The following DTD1 variants were observed in gnomAD, a reference collection of about 807,000 sequenced individuals.
DTD1 encodes D-tyrosyl-tRNA deacylase 1 homolog.
In DTD1, 13 loss-of-function variants were observed where a neutral mutation model predicts 25.6. The observed-to-expected ratio is 0.51, with a 90% confidence interval of 0.33 to 0.81. The LOEUF (loss-of-function observed/expected upper bound fraction) is 0.81, where lower values mean the gene tolerates loss of function less well. Ranked by LOEUF, DTD1 falls within the 30% of genes least tolerant of loss-of-function variation. The pLI, the probability that DTD1 is intolerant of heterozygous loss-of-function variation, is 0.02. For synonymous variants in DTD1, 110 were observed against 103.6 expected (o/e 1.06, Z -0.37); for missense variants, 193 against 266.4 (o/e 0.72, Z 1.92).
At chr20:18,722,234 T>C (rs1487562474) in intron 4 of DTD1, among the ~76,000 whole-genome samples, 1 of 152,200 alleles carries the variant, frequency 6.6e-6, no homozygotes, top group African/African-American at 2.4e-5. Flanking sequence ...CGCACTGTAG[T>C]CTGTGGGCAT....
At chr20:18,763,001 A>G (rs1192386603) in intron 5 of DTD1, among the ~76,000 whole-genome samples, 1 of 152,218 alleles carries the variant, frequency 6.6e-6, no homozygotes, top group Non-Finnish European at 1.5e-5. Context: ...CCTTAGGTGA[A>G]TATAACAAAT....
chr20:18,628,616 G>A (rs1190363968), intron 4 of DTD1, among the ~76,000 whole-genome samples: 1 of 152,188 alleles, frequency 6.6e-6, no homozygotes, highest in Non-Finnish European at 1.5e-5. Context: ...GGTCCCAGGT[G>A]TGGATAGATG....
At chr20:18,739,835 T>G (rs1422297348) in intron 4 of DTD1, among the ~76,000 whole-genome samples, 1 of 152,236 alleles carries the variant, frequency 6.6e-6, no homozygotes, top group Non-Finnish European at 1.5e-5. Context: ...AGAAAAGGCT[T>G]AAATTTATTA....
intron 4 of DTD1, among the ~76,000 whole-genome samples, chr20:18,659,429 G>A (rs998115252): frequency 2.6e-5 from 4 of 152,114 alleles, no homozygotes; most frequent in African/African-American, 7.2e-5. Flanking sequence ...TTATATTCAT[G>A]ATGTTTAATT....
chr20:18,736,224 T>C (rs1469354739), intron 4 of DTD1, among the ~76,000 whole-genome samples: 1 of 152,164 alleles, frequency 6.6e-6, no homozygotes, highest in African/African-American at 2.4e-5. Context: ...GCAGACATCG[T>C]GTTCCTGTGG....
chr20:18,722,292 C>T (rs1455802207), intron 4 of DTD1, among the ~76,000 whole-genome samples: 1 of 152,236 alleles, frequency 6.6e-6, no homozygotes, highest in Non-Finnish European at 1.5e-5. Context: ...ACCAGGCACT[C>T]AGCATTGTGC....
chr20:18,660,057 G>A (rs759631375), intron 4 of DTD1, among the ~76,000 whole-genome samples: 15 of 152,090 alleles, frequency 9.9e-5, no homozygotes, highest in Non-Finnish European at 2.2e-4. Context: ...GGCCAACATG[G>A]TGAGACCCTA....
At chr20:18,742,071 T>C (rs1264143197) in intron 4 of DTD1, among the ~76,000 whole-genome samples, 1 of 151,972 alleles carries the variant, frequency 6.6e-6, no homozygotes, top group Non-Finnish European at 1.5e-5. Flanking sequence ...GTAGATCTAC[T>C]GTACAATATT....
chr20:18,601,583 C>T (rs937695445), intron 3 of DTD1, among the ~76,000 whole-genome samples: 37 of 151,698 alleles, frequency 2.4e-4, no homozygotes, highest in East Asian at 5.8e-4. Flanking sequence ...ATCTGAGAAC[C>T]GGCAGACTGC....
intron 4 of DTD1, among the ~76,000 whole-genome samples, chr20:18,734,352 A>G (rs1195118712): frequency 1.3e-5 from 2 of 152,234 alleles, no homozygotes; most frequent in East Asian, 3.8e-4. Flanking sequence ...ATGAATCTCT[A>G]TACGAAGTTG....
intron 3 of DTD1, among the ~76,000 whole-genome samples, chr20:18,609,197 G>A (rs1464967107): frequency 1.3e-5 from 2 of 151,752 alleles, no homozygotes; most frequent in Admixed American, 6.6e-5. Flanking sequence ...CTGGAGTGCA[G>A]TGGTACGAGA....
intron 4 of DTD1, among the ~76,000 whole-genome samples, chr20:18,715,643 G>T (rs1379270369): frequency 1.3e-5 from 2 of 152,192 alleles, no homozygotes; most frequent in African/African-American, 4.8e-5. Context: ...TGTTTAAAAT[G>T]AAACTCTGGG....
intron 4 of DTD1, among the ~76,000 whole-genome samples, chr20:18,677,257 T>C (rs1274978432): frequency 6.6e-6 from 1 of 152,178 alleles, no homozygotes; most frequent in Non-Finnish European, 1.5e-5. Flanking sequence ...AGTTTTTCCA[T>C]TGAGTAGATA....
At chr20:18,637,287 T>C (rs1330347970) in intron 4 of DTD1, among the ~76,000 whole-genome samples, 1 of 152,194 alleles carries the variant, frequency 6.6e-6, no homozygotes, top group East Asian at 1.9e-4. Context: ...CCCTTCCCCC[T>C]GCCACACAGG....
chr20:18,707,708 TA>T (rs1269369762), intron 4 of DTD1, among the ~76,000 whole-genome samples: 1 of 152,150 alleles, frequency 6.6e-6, no homozygotes, highest in East Asian at 1.9e-4. Context: ...CTCTCTGGAC[TA>T]GTGGGCTTTG....
intron 3 of DTD1, among the ~76,000 whole-genome samples, chr20:18,618,710 C>T (rs927906018): frequency 9.0e-5 from 13 of 144,134 alleles, no homozygotes; most frequent in Non-Finnish European, 1.7e-4. Context: ...CACACACACA[C>T]ACATATAATT....
In DTD1 at chr20:18,760,808, G is replaced by A. The variant is rs1394557338; in HGVS notation, c.*20-2552G>A. On this transcript the variant is annotated intron_variant, in intron 5 of 5. Transcript: ENST00000377452. ...TCTGCAGAGGTTTCTGCTGCCTTTT[G>A]TTTGTCTGTGCCCTGTCCCCAGAGG... Among the ~76,000 whole-genome samples the A allele has an allele frequency of 2.0e-5, 3 of 152,318 alleles. No individual in the cohort carries two copies. In the South Asian group the frequency reaches 6.2e-4, roughly 32 times the overall value.
At chr20:18,687,544 T>G (rs2122426244) in intron 4 of DTD1, among the ~76,000 whole-genome samples, 1 of 151,822 alleles carries the variant, frequency 6.6e-6, no homozygotes, top group Middle Eastern at 3.4e-3. Context: ...AAATAAAGGG[T>G]TTTCTTTTTT....
At chr20:18,654,322 G>A (rs1600346195) in intron 4 of DTD1, among the ~76,000 whole-genome samples, 2 of 152,184 alleles carry the variant, frequency 1.3e-5, no homozygotes, top group African/African-American at 2.4e-5. Flanking sequence ...TGTGAGATGT[G>A]CCTTTGTTCC....
Sources: allele counts gnomAD v4.1 joint callset (sites outside exome capture counted in the v4.1 genomes callset), GRCh38; gene constraint gnomAD v4.1.1; transcripts MANE v1.5; gene names NCBI Gene and HGNC (gene_info 2026-07-23, HGNC 2026-07-21).